MALT1: variants seen among roughly 807,000 people sequenced by gnomAD.
MALT1 encodes MALT1 paracaspase.
MALT1 carries 36 observed loss-of-function variants against 85.5 expected under a neutral mutation model. That is an observed-to-expected ratio of 0.42 (90% CI 0.32 to 0.56). MALT1 has a LOEUF of 0.56. Among genes scored for constraint, MALT1 ranks in the 20% least tolerant of loss-of-function variants. The pLI is 0.10. For missense variants in MALT1, 716 were observed against 981.6 expected (o/e 0.73, Z 3.62); for synonymous variants, 359 against 361.3 (o/e 0.99, Z 0.07).
At chr18:58,677,358 C>T (rs184622251) in intron 1 of MALT1, among the ~76,000 whole-genome samples, 25 of 152,246 alleles carry the variant, frequency 1.6e-4, no homozygotes, top group Non-Finnish European at 3.5e-4. Flanking sequence ...CACTTGGTTG[C>T]ATTTGATGAG....
chr18:58,739,342 G>GTT (rs2055269589), intron 13 of MALT1, among the ~76,000 whole-genome samples: 1 of 152,130 alleles, frequency 6.6e-6, no homozygotes. Flanking sequence ...TGGTATCAGT[G>GTT]TTATCAGTAT....
intron 1 of MALT1, chr18:58,672,800 T>G (rs961057774): frequency 2.0e-5 from 3 of 152,248 alleles, no homozygotes; most frequent in Admixed American, 6.5e-5. Flanking sequence ...TATGTGCTTC[T>G]GCATTCAGTC....
chr18:58,714,317 G>A (rs956674886), intron 8 of MALT1, among the ~76,000 whole-genome samples: 5 of 152,024 alleles, frequency 3.3e-5, no homozygotes, highest in Admixed American at 2.0e-4. Flanking sequence ...AAACTGTAAG[G>A]GTAGAAAAGA....
At chr18:58,741,152 G>A (rs544534781) in intron 13 of MALT1, among the ~76,000 whole-genome samples, 87 of 152,152 alleles carry the variant, frequency 5.7e-4, no homozygotes, top group African/African-American at 2.0e-3. Context: ...CTGCTTTGCT[G>A]TAGCTTTTGG....
rs1266114717 is a variant in MALT1, at chr18:58,700,513, C to T, written c.571C>T (p.Arg191Ter). 4 of 1,612,868 alleles carry T rather than the reference C, an allele frequency of 2.5e-6. No homozygotes were observed. The highest frequency in any genetic ancestry group is 1.3e-5 in the African/African-American group (1 of 74,858). The part of the protein sequence containing the change: ...HVKDAGFYVC[R>*]VNNNFTFEFS... ...AAAAGATGCAGGCTTTTATGTCTGT[C>T]GAGTTAATAACAATTTCACCTTTGA... Residue 191 changes from arginine to a stop codon, truncating the protein, a stop_gained, in exon 4 of 17, where the codon CGA becomes TGA. Transcript: ENST00000649217. LOFTEE classifies it high-confidence loss of function.
At chr18:58,699,561 A>G (rs1023436731) in intron 3 of MALT1, among the ~76,000 whole-genome samples, 2 of 152,106 alleles carry the variant, frequency 1.3e-5, no homozygotes, top group Non-Finnish European at 2.9e-5. Flanking sequence ...CAGATTTTGG[A>G]TTTTTTTTAG....
intron 11 of MALT1, chr18:58,733,893 A>C (rs1163024681): frequency 2.6e-6 from 3 of 1,150,240 alleles, no homozygotes; most frequent in Admixed American, 8.9e-5. Context: ...AATTAACAAA[A>C]CCAACACCCA....
intron 10 of MALT1, among the ~76,000 whole-genome samples, chr18:58,729,237 C>T (rs1431158272): frequency 6.6e-6 from 1 of 152,100 alleles, no homozygotes. Flanking sequence ...CGCCTGTAAT[C>T]CCAGCACTTT....
At chr18:58,693,293 C>A (rs528096481) in intron 2 of MALT1, among the ~76,000 whole-genome samples, 19 of 152,230 alleles carry the variant, frequency 1.2e-4, no homozygotes, top group African/African-American at 4.3e-4. Flanking sequence ...ACAGTGGCAC[C>A]TGCCTGTAGT....
chr18:58,708,589 T>C (rs966454307), intron 4 of MALT1, among the ~76,000 whole-genome samples: 1 of 152,164 alleles, frequency 6.6e-6, no homozygotes, highest in Non-Finnish European at 1.5e-5. Context: ...GGGAAGGGAC[T>C]GGGATGACCC....
Position 58,745,729 on chromosome 18 carries a change from G to GTATCAAAGGATCT in MALT1, c.1977_1989dup (p.Pro664IlefsTer55). ...ACCTGAAGAAACTGGCAGCTACTTGGTATCAAAGGATCTTCCCAAGCATTG... is the reference window on the plus strand; with the variant it reads ...ACCTGAAGAAACTGGCAGCTACTTGGTATCAAAGGATCTTATCAAAGGATCTTCCCAAGCATTG... On this transcript the variant is annotated frameshift_variant, in exon 16 of 17. Coordinates refer to ENST00000649217, the MANE Select transcript of MALT1 (RefSeq NM_006785.4). LOFTEE classifies it high-confidence loss of function. 1 of 1,613,562 alleles carries GTATCAAAGGATCT rather than the reference G, an allele frequency of 6.2e-7. No individual in the cohort carries two copies. The highest frequency in any genetic ancestry group is 8.5e-7 in the Non-Finnish European group (1 of 1,179,622).
At position 58,749,816 on chromosome 18, in the gene MALT1, A is replaced by G. The variant is rs1242765263; in HGVS notation, c.*1974A>G. ...AGGAATCTTCCTAGATATGATAAAT[A>G]TAACATCTATGAAAAGCCCACACCT... On this transcript the variant is annotated 3_prime_UTR_variant, in exon 17 of 17. Coordinates refer to ENST00000649217, the MANE Select transcript of MALT1 (RefSeq NM_006785.4). The G allele has an allele frequency of 6.2e-5, 13 of 210,738 alleles. No individual in the cohort carries two copies. Among genetic ancestry groups the G allele is most frequent in the Non-Finnish European group, 1.3e-4 (13 of 103,892 alleles). 13.1% of individuals were successfully genotyped at this position (210,738 alleles called of 1,614,324 possible). A position where few individuals can be genotyped will look rare whatever the true frequency, so the allele number is the denominator to read the frequency against.
intron 4 of MALT1, among the ~76,000 whole-genome samples, chr18:58,706,435 G>A (rs1193242558): frequency 3.9e-5 from 6 of 152,276 alleles, no homozygotes; most frequent in Non-Finnish European, 7.4e-5. Context: ...GATTACAGGC[G>A]TGAGCCACCG....
At chr18:58,692,072 G>C (rs1045757954) in intron 2 of MALT1, 3 of 151,590 alleles carry the variant, frequency 2.0e-5, no homozygotes, top group Admixed American at 2.0e-4. Context: ...AAAAAAAGAG[G>C]GTGGTTGTGG....
rs2054601517 is a variant in MALT1, at chr18:58,697,121, G to A, written c.498+634G>A. ...GCCTGCATTGTGTCCCACTTCTGTGGGCTTTTATCTTCGATCCCCCCATCC... is the reference window on the plus strand; with the variant it reads ...GCCTGCATTGTGTCCCACTTCTGTGAGCTTTTATCTTCGATCCCCCCATCC... On this transcript the variant is annotated intron_variant, in intron 3 of 16. Coordinates refer to ENST00000649217, the MANE Select transcript of MALT1 (RefSeq NM_006785.4). 2.0e-5 allele frequency: 3 copies of A among 152,074 alleles called. No homozygotes were observed. In the South Asian group the frequency reaches 6.2e-4, roughly 32 times the overall value. 9.4% of individuals were successfully genotyped at this position (152,074 alleles called of 1,614,324 possible).
chr18:58,713,783 G>A (rs2054864422), intron 7 of MALT1, among the ~76,000 whole-genome samples: 1 of 152,152 alleles, frequency 6.6e-6, no homozygotes, highest in African/African-American at 2.4e-5. Context: ...AAGATCATTT[G>A]AGATTACTGT....
intron 10 of MALT1, among the ~76,000 whole-genome samples, chr18:58,732,704 T>C (rs2144457572): frequency 6.6e-6 from 1 of 151,640 alleles, no homozygotes; most frequent in African/African-American, 2.4e-5. Context: ...ATCTCTGCCC[T>C]AACAGAACTC....
At chr18:58,721,312 GA>G (rs2054979484) in intron 9 of MALT1, among the ~76,000 whole-genome samples, 1 of 152,130 alleles carries the variant, frequency 6.6e-6, no homozygotes, top group Non-Finnish European at 1.5e-5. Context: ...CCGGGAGGCA[GA>G]AGGTTGCAGT....
rs2055004068 is a variant in MALT1, at chr18:58,722,949, G to A, written c.1019-99G>A. ...GAAATCTTATTTGAAATGAAATAAT[G>A]CAATCTTAAAGCATACTTTTTATTA... is the stretch of plus-strand genomic sequence containing the variant. On this transcript the variant is annotated intron_variant, in intron 9 of 16. Transcript: ENST00000649217. The A allele has an allele frequency of 6.9e-6, 5 of 721,094 alleles. No individual in the cohort carries two copies. In the South Asian group the frequency reaches 9.5e-5, roughly 14 times the overall value. 44.7% of individuals were successfully genotyped at this position (721,094 alleles called of 1,614,324 possible).
Sources: allele counts gnomAD v4.1 joint callset (sites outside exome capture counted in the v4.1 genomes callset), GRCh38; gene constraint gnomAD v4.1.1; transcripts MANE v1.5; gene names NCBI Gene and HGNC (gene_info 2026-07-23, HGNC 2026-07-21).